Variants in STIL observed in about 807,000 individuals in gnomAD.
STIL encodes SCL-interrupting locus protein.
STIL carries 55 observed loss-of-function variants against 110.1 expected under a neutral mutation model. That is an observed-to-expected ratio of 0.50 (90% CI 0.40 to 0.63). The LOEUF (loss-of-function observed/expected upper bound fraction) is 0.63. Ranked by LOEUF, STIL falls within the 20% of genes least tolerant of loss-of-function variation. The pLI, the probability that STIL is intolerant of heterozygous loss-of-function variation, is 0.00. For missense variants in STIL, 1,358 were observed against 1,530.0 expected (o/e 0.89, Z 1.87); for synonymous variants, 481 against 530.0 (o/e 0.91, Z 1.27).
At chr1:47,301,058 A>G (rs1645789665) in intron 5 of STIL, among the ~76,000 whole-genome samples, 1 of 152,148 alleles carries the variant, frequency 6.6e-6, no homozygotes, top group South Asian at 2.1e-4. Context: ...TACATGGCCC[A>G]TATGACAAAG....
intron 5 of STIL, 36 bp downstream of exon 5, chr1:47,301,525 T>G: frequency 1.3e-6 from 2 of 1,557,168 alleles, no homozygotes; most frequent in East Asian, 4.5e-5. Flanking sequence ...TTGATTCTTG[T>G]GTTGAATTAA....
At chr1:47,282,839 C>G (rs1645189190) in intron 10 of STIL, 1 of 180,464 alleles carries the variant, frequency 5.5e-6, no homozygotes, top group South Asian at 1.2e-4. Context: ...TATTACAAAC[C>G]CTCTGTATTA....
chr1:47,270,224 G>T (rs1465076086), intron 13 of STIL, among the ~76,000 whole-genome samples: 3 of 77,052 alleles, frequency 3.9e-5, no homozygotes, highest in African/African-American at 1.5e-4. Context: ...GGCAACTCTG[G>T]CTCAAAAAAA....
chr1:47,252,940 GGA>G (rs1335430637), intron 16 of STIL, among the ~76,000 whole-genome samples: 4 of 145,632 alleles, frequency 2.7e-5, no homozygotes, highest in Non-Finnish European at 6.0e-5. Context: ...TTTTTTTTTT[GGA>G]GACAGGGTCT....
chr1:47,258,642 G>A (rs544028943), intron 16 of STIL, among the ~76,000 whole-genome samples: 1 of 152,280 alleles, frequency 6.6e-6, no homozygotes, highest in East Asian at 1.9e-4. Context: ...GCCAAGGTGG[G>A]AAGATTGCTT....
intron 11 of STIL, among the ~76,000 whole-genome samples, chr1:47,282,026 C>T (rs1645168090): frequency 1.3e-5 from 2 of 152,018 alleles, no homozygotes; most frequent in South Asian, 4.2e-4. Context: ...AAATAGAATC[C>T]CAGCTTTACT....
At chr1:47,265,244 A>AAAAAAAC (rs1441528112) in intron 14 of STIL, among the ~76,000 whole-genome samples, 6 of 149,654 alleles carry the variant, frequency 4.0e-5, no homozygotes, top group African/African-American at 9.8e-5. Flanking sequence ...TCCCAAAAAA[A>AAAAAAAC]AAAAAAAAAA....
chr1:47,314,476 G>A (rs1268275571), upstream of STIL, among the ~76,000 whole-genome samples: 2 of 152,218 alleles, frequency 1.3e-5, no homozygotes, highest in Non-Finnish European at 2.9e-5. Flanking sequence ...AGGAGCGAGT[G>A]GCAGATGAAG....
At chr1:47,305,876 C>A (rs188537541) in intron 2 of STIL, among the ~76,000 whole-genome samples, 1 of 151,566 alleles carries the variant, frequency 6.6e-6, no homozygotes, top group African/African-American at 2.4e-5. Flanking sequence ...GGATTACAGG[C>A]GCCTGCCACC....
intron 1 of STIL, 46 bp from the exon 2 acceptor site, chr1:47,310,408 A>C: frequency 8.0e-7 from 1 of 1,246,386 alleles, no homozygotes; most frequent in Non-Finnish European, 1.1e-6. Context: ...AAAAACAAAG[A>C]AGAAAAATAT....
intron 8 of STIL, among the ~76,000 whole-genome samples, chr1:47,292,050 CAG>C (rs1202892045): frequency 6.7e-6 from 1 of 148,724 alleles, no homozygotes; most frequent in Non-Finnish European, 1.5e-5. Flanking sequence ...TTGTTAGAGA[CAG>C]AGTCTTGCTA....
intron 12 of STIL, among the ~76,000 whole-genome samples, chr1:47,280,012 A>C (rs1645112514): frequency 6.6e-6 from 1 of 152,208 alleles, no homozygotes; most frequent in South Asian, 2.1e-4. Context: ...TAGGATATGC[A>C]TAAGATGGTT....
At chr1:47,275,921 C>T (rs1001872486) in intron 12 of STIL, among the ~76,000 whole-genome samples, 1 of 152,062 alleles carries the variant, frequency 6.6e-6, no homozygotes, top group Non-Finnish European at 1.5e-5. Context: ...GCCAGTGGGC[C>T]CAGCCAAGAA....
chr1:47,285,200 CT>C (rs753630037), intron 10 of STIL, among the ~76,000 whole-genome samples: 2 of 151,964 alleles, frequency 1.3e-5, no homozygotes, highest in African/African-American at 2.4e-5. Context: ...TTCTGTACTT[CT>C]TTTCTGTTTT....
intron 6 of STIL, among the ~76,000 whole-genome samples, chr1:47,297,344 A>AG (rs1645671314): frequency 4.3e-5 from 1 of 23,254 alleles, no homozygotes; most frequent in South Asian, 1.8e-3. Flanking sequence ...ACTCCATCTC[A>AG]AAAAAAAAAA....
chr1:47,258,064 C>A (rs889803346), intron 16 of STIL, among the ~76,000 whole-genome samples: 11 of 152,122 alleles, frequency 7.2e-5, no homozygotes, highest in Non-Finnish European at 1.5e-4. Flanking sequence ...AGGAAATAAT[C>A]CTAAAACTGA....
At chr1:47,263,279 G>A (rs1354716689) in intron 14 of STIL, among the ~76,000 whole-genome samples, 163 bp from the exon 15 acceptor site, 1 of 152,230 alleles carries the variant, frequency 6.6e-6, no homozygotes, top group African/African-American at 2.4e-5. Flanking sequence ...AGGTGCAGTG[G>A]CTCATGCCTG....
Position 47,287,527 on chromosome 1 carries a change from CATA to C in STIL, c.1133+21_1133+23del, listed in dbSNP as rs759519117. On this transcript the variant is annotated intron_variant, in intron 10 of 16. Transcript: ENST00000371877. Reference sequence around the variant, plus strand: ...AATATAATTTTTAAAAAAACACACACATAATAACAAAAAGATCTTTTACCTCTT... The same window carrying C: ...AATATAATTTTTAAAAAAACACACACATAACAAAAAGATCTTTTACCTCTT... 29 of 1,469,686 alleles carry C rather than the reference CATA, an allele frequency of 2.0e-5. No individual in the cohort carries two copies. The East Asian group carries it at 5.0e-4, about 25-fold the overall frequency. The allele number at this position is 1,469,686 out of a possible 1,614,324, so 91.0% of individuals were successfully genotyped here.
chr1:47,308,299 A>T (rs1361903584), intron 2 of STIL, among the ~76,000 whole-genome samples: 2 of 151,396 alleles, frequency 1.3e-5, no homozygotes, highest in Admixed American at 6.6e-5. Flanking sequence ...TCTCTTTTGT[A>T]CTCTGTCCTT....
Sources: allele counts gnomAD v4.1 joint callset (sites outside exome capture counted in the v4.1 genomes callset), GRCh38; gene constraint gnomAD v4.1.1; transcripts MANE v1.5; gene names NCBI Gene and HGNC (gene_info 2026-07-23, HGNC 2026-07-21).